Variants in TRPC4 observed in about 807,000 individuals in gnomAD.
TRPC4 encodes the protein transient receptor potential cation channel subfamily C member 4.
A neutral mutation model predicts 99.4 loss-of-function variants in TRPC4; 49 were observed. The observed-to-expected ratio is 0.49, with a 90% confidence interval of 0.39 to 0.63. The LOEUF (loss-of-function observed/expected upper bound fraction) is 0.63. Among genes scored for constraint, TRPC4 ranks in the 20% least tolerant of loss-of-function variants. The pLI, the probability that TRPC4 is intolerant of heterozygous loss-of-function variation, is 0.00. For missense variants in TRPC4, 898 were observed against 1,152.9 expected (o/e 0.78, Z 3.20); for synonymous variants, 454 against 425.9 (o/e 1.07, Z -0.81).
intron 4 of TRPC4, among the ~76,000 whole-genome samples, chr13:37,685,562 A>G (rs1953440924): frequency 6.6e-6 from 1 of 152,010 alleles, no homozygotes; most frequent in Non-Finnish European, 1.5e-5. Context: ...GATTACTACT[A>G]CTACTATTGT....
At chr13:37,645,655 CA>C (rs984670302) in intron 8 of TRPC4, among the ~76,000 whole-genome samples, 6 of 152,120 alleles carry the variant, frequency 3.9e-5, no homozygotes, top group Non-Finnish European at 7.4e-5. Flanking sequence ...GATCCCTTTA[CA>C]AAAAAATTGC....
At chr13:37,722,401 T>C (rs139488431) in intron 3 of TRPC4, among the ~76,000 whole-genome samples, 61 of 152,328 alleles carry the variant, frequency 4.0e-4, no homozygotes, top group African/African-American at 1.1e-3. Context: ...TTAGGTTAAA[T>C]TGGATGTAAT....
chr13:37,683,109 G>C (rs1953309267), intron 4 of TRPC4, among the ~76,000 whole-genome samples: 1 of 151,930 alleles, frequency 6.6e-6, no homozygotes, highest in African/African-American at 2.4e-5. Flanking sequence ...AGAAGGACAG[G>C]TAAGGGTGTT....
chr13:37,638,292 G>T (rs1278975631), intron 10 of TRPC4, among the ~76,000 whole-genome samples: 1 of 151,934 alleles, frequency 6.6e-6, no homozygotes, highest in Non-Finnish European at 1.5e-5. Context: ...ATTACAATTT[G>T]AACTTTATGG....
At chr13:37,723,807 G>A (rs1245714835) in intron 3 of TRPC4, among the ~76,000 whole-genome samples, 2 of 152,012 alleles carry the variant, frequency 1.3e-5, no homozygotes, top group Admixed American at 6.6e-5. Context: ...CTCCTGTCTC[G>A]GGCTCCCAAA....
rs534685552 is a variant in TRPC4 at position 37,795,499 on chromosome 13, C to CT, written c.-27-12140dup. ...GATTCAGAGGAGAAAGCAGCAAGCTCTATCAGGGGGGTAAGAAATGCTTGC... is the reference window on the plus strand; with the variant it reads ...GATTCAGAGGAGAAAGCAGCAAGCTCTTATCAGGGGGGTAAGAAATGCTTGC... On this transcript the variant is annotated intron_variant, in intron 1 of 10. Coordinates refer to ENST00000379705, the MANE Select transcript of TRPC4 (RefSeq NM_016179.4). Among the ~76,000 whole-genome samples, 275 of 152,214 alleles carry CT rather than the reference C, an allele frequency of 1.8e-3. 4 individuals carry two copies. Among genetic ancestry groups the CT allele is most frequent in the African/African-American group, 6.0e-3 (249 of 41,552 alleles).
intron 1 of TRPC4, among the ~76,000 whole-genome samples, chr13:37,834,269 C>G (rs1433927736): frequency 6.6e-6 from 1 of 152,162 alleles, no homozygotes; most frequent in Admixed American, 6.5e-5. Flanking sequence ...TGCATCCTTC[C>G]AAATTCTAAT....
chr13:37,772,090 G>C (rs1363502283), intron 2 of TRPC4, among the ~76,000 whole-genome samples: 1 of 151,654 alleles, frequency 6.6e-6, no homozygotes, highest in African/African-American at 2.4e-5. Flanking sequence ...CTTCCTGAAA[G>C]CTACAACAGC....
intron 3 of TRPC4, among the ~76,000 whole-genome samples, chr13:37,718,687 A>G (rs1267252738): frequency 3.9e-5 from 6 of 152,190 alleles, no homozygotes; most frequent in Non-Finnish European, 7.3e-5. Context: ...CAGAGGAAAG[A>G]GTAAGACAAG....
intron 3 of TRPC4, among the ~76,000 whole-genome samples, chr13:37,716,707 CAG>C (rs1954679713): frequency 1.3e-5 from 2 of 151,890 alleles, no homozygotes; most frequent in South Asian, 4.2e-4. Context: ...TTCAGATAAA[CAG>C]ATCTTAAAAA....
intron 7 of TRPC4, among the ~76,000 whole-genome samples, chr13:37,652,811 G>A (rs563005607): frequency 0.02 from 208 of 10,250 alleles, 2 homozygotes; most frequent in Non-Finnish European, 0.035. Context: ...TCTGACTCTC[G>A]GTGAGTCAGA....
chr13:37,822,656 C>A (rs1388265620), intron 1 of TRPC4, among the ~76,000 whole-genome samples: 122 of 150,724 alleles, frequency 8.1e-4, no homozygotes, highest in South Asian at 2.5e-3. Flanking sequence ...ACATTTTCTT[C>A]ATCCAGTCTA....
rs1478804278 is a variant in TRPC4, at chr13:37,633,332, G to A, written c.*3571C>T. On this transcript the variant is annotated 3_prime_UTR_variant, in exon 11 of 11. Coordinates refer to ENST00000379705, the MANE Select transcript of TRPC4 (RefSeq NM_016179.4). ...CAATGGATGGTTCTTACTAGGTTGA[G>A]TTTTAAGGACACTGAGCATGGAAGG... Among the ~76,000 whole-genome samples, 2 of 152,054 alleles carry A rather than the reference G, an allele frequency of 1.3e-5. No homozygotes were observed. The highest frequency in any genetic ancestry group is 1.9e-4 in the East Asian group (1 of 5,184).
At chr13:37,795,794 T>C (rs1043679340) in intron 1 of TRPC4, among the ~76,000 whole-genome samples, 8 of 152,168 alleles carry the variant, frequency 5.3e-5, no homozygotes, top group Non-Finnish European at 8.8e-5. Context: ...ACTTAGTGAC[T>C]CTTATTATTT....
At chr13:37,684,284 A>G (rs759392014) in intron 4 of TRPC4, among the ~76,000 whole-genome samples, 2 of 152,214 alleles carry the variant, frequency 1.3e-5, no homozygotes, top group Non-Finnish European at 2.9e-5. Context: ...AAAAATGCTT[A>G]AACCACTATG....
chr13:37,757,114 T>C (rs915290768), intron 2 of TRPC4, among the ~76,000 whole-genome samples: 6 of 151,796 alleles, frequency 4.0e-5, no homozygotes, highest in African/African-American at 1.2e-4. Context: ...TGTGGTAACA[T>C]GAATGCCTAT....
rs368732831 is a variant in TRPC4 at position 37,710,688 on chromosome 13, T to C, written c.898-18353A>G. 2.8e-4 allele frequency among the ~76,000 whole-genome samples: 43 copies of C among 152,078 alleles called. 3 individuals carry two copies. The highest frequency in any genetic ancestry group is 9.9e-4 in the African/African-American group (41 of 41,560). On this transcript the variant is annotated intron_variant, in intron 3 of 10. Transcript: ENST00000379705. The stretch of plus-strand genomic sequence containing the variant: ...TTCCAAACACATTATTTGTCCCTTA[T>C]TCTGTTCAAAAAAATGTTAGCTGAT...
intron 1 of TRPC4, among the ~76,000 whole-genome samples, chr13:37,842,395 G>C (rs1171007566): frequency 6.8e-6 from 1 of 146,210 alleles, no homozygotes. Context: ...ATAAATCGGG[G>C]GCAGATCTTA....
intron 1 of TRPC4, among the ~76,000 whole-genome samples, chr13:37,856,672 G>A (rs982481284): frequency 6.6e-6 from 1 of 151,532 alleles, no homozygotes; most frequent in Non-Finnish European, 1.5e-5. Flanking sequence ...ACATTAGAAA[G>A]GTCATTCATC....
Sources: allele counts gnomAD v4.1 joint callset (sites outside exome capture counted in the v4.1 genomes callset), GRCh38; gene constraint gnomAD v4.1.1; transcripts MANE v1.5; gene names NCBI Gene and HGNC (gene_info 2026-07-23, HGNC 2026-07-21).